AGBL1: variants seen among roughly 807,000 people sequenced by gnomAD.
AGBL1 encodes the protein cytosolic carboxypeptidase 4.
Under a neutral mutation model 118.9 loss-of-function variants are expected in AGBL1, and 130 were observed. That is an observed-to-expected ratio of 1.09 (90% CI 0.95 to 1.26). The LOEUF (loss-of-function observed/expected upper bound fraction) is 1.26, where lower values mean the gene tolerates loss of function less well. AGBL1 is among the 50% of genes most tolerant of loss of function. AGBL1 has a pLI of 0.00. For missense variants in AGBL1, 1,584 were observed against 1,298.1 expected (o/e 1.22, Z -3.38); for synonymous variants, 555 against 478.9 (o/e 1.16, Z -2.08).
chr15:86,427,251 A>G (rs922512130), intron 18 of AGBL1, among the ~76,000 whole-genome samples: 1 of 152,240 alleles, frequency 6.6e-6, no homozygotes, highest in Non-Finnish European at 1.5e-5. Flanking sequence ...TAAAAGTTTC[A>G]TTTTATAAGG....
At chr15:86,821,912 T>C (rs1253321281) in intron 22 of AGBL1, among the ~76,000 whole-genome samples, 1 of 152,160 alleles carries the variant, frequency 6.6e-6, no homozygotes, top group African/African-American at 2.4e-5. Context: ...ATTTAACCAA[T>C]ATCGCATGGG....
chr15:86,398,834 A>G (rs113825146), intron 18 of AGBL1, among the ~76,000 whole-genome samples: 1 of 152,264 alleles, frequency 6.6e-6, no homozygotes, highest in Non-Finnish European at 1.5e-5. Context: ...CCAAATGATG[A>G]AATATGTTAA....
chr15:86,257,463 C>A (rs1024317206), intron 8 of AGBL1, among the ~76,000 whole-genome samples: 1 of 152,186 alleles, frequency 6.6e-6, no homozygotes, highest in Non-Finnish European at 1.5e-5. Flanking sequence ...CTGGGAAGAT[C>A]TTCCTGTCAA....
chr15:86,618,552 ATT>A (rs1415822140), intron 21 of AGBL1, among the ~76,000 whole-genome samples: 3 of 152,224 alleles, frequency 2.0e-5, no homozygotes, highest in Non-Finnish European at 4.4e-5. Context: ...GGGAATCTGC[ATT>A]TAATTAGCTT....
At chr15:86,118,766 G>T (rs1897919386) in intron 1 of AGBL1, among the ~76,000 whole-genome samples, 1 of 151,814 alleles carries the variant, frequency 6.6e-6, no homozygotes, top group African/African-American at 2.4e-5. Context: ...TTTTTGGGTG[G>T]GGTGGGGTGG....
chr15:86,237,377 C>T (rs2078569329), intron 6 of AGBL1, among the ~76,000 whole-genome samples: 1 of 151,982 alleles, frequency 6.6e-6, no homozygotes, highest in Admixed American at 6.5e-5. Flanking sequence ...TTCCTGCTGT[C>T]TATGTTGGTT....
chr15:86,258,892 A>G (rs1198066406), intron 9 of AGBL1, among the ~76,000 whole-genome samples: 1 of 152,140 alleles, frequency 6.6e-6, no homozygotes, highest in African/African-American at 2.4e-5. Context: ...TTTTTAGTAG[A>G]AACAGGATTT....
At chr15:86,623,113 C>T (rs1464525982) in intron 21 of AGBL1, among the ~76,000 whole-genome samples, 1 of 152,222 alleles carries the variant, frequency 6.6e-6, no homozygotes, top group African/African-American at 2.4e-5. Context: ...AAGCTTCACT[C>T]TCTCACCCTC....
At chr15:87,019,076 C>A (rs1163969622) in intron 24 of AGBL1, among the ~76,000 whole-genome samples, 1 of 152,010 alleles carries the variant, frequency 6.6e-6, no homozygotes, top group Non-Finnish European at 1.5e-5. Flanking sequence ...ACTAGCTATC[C>A]TAAATATATA....
rs375395906 is a variant in AGBL1, at chr15:86,542,557, A to G, written c.2686-3445A>G. On this transcript the variant is annotated intron_variant, in intron 19 of 22. Coordinates refer to ENST00000614907, the MANE Select transcript of AGBL1 (RefSeq NM_001386094.1). ...AATTTTTTGTATTTTTAGTAGAGACAGGGTTTCACCATGTTGGCCAGGCTG... is the reference window on the plus strand; with the variant it reads ...AATTTTTTGTATTTTTAGTAGAGACGGGGTTTCACCATGTTGGCCAGGCTG... Among the ~76,000 whole-genome samples, 279 of 151,952 alleles carry G rather than the reference A, an allele frequency of 1.8e-3. 1 individual carries two copies. The highest frequency in any genetic ancestry group is 6.5e-3 in the African/African-American group (269 of 41,464).
At chr15:86,520,488 C>A (rs1460015951) in intron 18 of AGBL1, among the ~76,000 whole-genome samples, 1 of 151,854 alleles carries the variant, frequency 6.6e-6, no homozygotes, top group East Asian at 1.9e-4. Flanking sequence ...TTTTTTTATT[C>A]TTGGAAATTG....
intron 22 of AGBL1, among the ~76,000 whole-genome samples, chr15:86,756,038 G>T (rs966673142): frequency 6.6e-6 from 1 of 152,074 alleles, no homozygotes; most frequent in Non-Finnish European, 1.5e-5. Flanking sequence ...CTCTTCTTTT[G>T]GTTCTCAGTT....
intron 17 of AGBL1, among the ~76,000 whole-genome samples, chr15:86,318,568 G>A (rs375821622): frequency 6.6e-6 from 1 of 151,924 alleles, no homozygotes; most frequent in East Asian, 1.9e-4. Context: ...ACTAGAGCCA[G>A]ATGTGTAGTC....
At chr15:86,765,554 AAC>A (rs1310850313) in intron 22 of AGBL1, among the ~76,000 whole-genome samples, 2 of 151,990 alleles carry the variant, frequency 1.3e-5, no homozygotes, top group Non-Finnish European at 2.9e-5. Flanking sequence ...ACAGATGGGG[AAC>A]ACATTCCACA....
Position 86,390,660 on chromosome 15 carries a change from A to ATTTTTTTTTTTTTTTT in AGBL1, c.2375-6695_2375-6680dup, listed in dbSNP as rs756052402. ...AGGCAGAAAAGTTATATACTGTATG[A>ATTTTTTTTTTTTTTTT]TTTTTTTTTTTTTTTTTTTTTTTTT... On this transcript the variant is annotated intron_variant, in intron 17 of 22. Coordinates refer to ENST00000614907, the MANE Select transcript of AGBL1 (RefSeq NM_001386094.1). Among the ~76,000 whole-genome samples, 32 of 75,470 alleles carry ATTTTTTTTTTTTTTTT rather than the reference A, an allele frequency of 4.2e-4. 3 individuals are homozygous for ATTTTTTTTTTTTTTTT. In the East Asian group the frequency reaches 4.9e-3, roughly 12 times the overall value. The allele number at this position is 75,470 out of a possible 152,430, so 49.5% of individuals were successfully genotyped here.
chr15:86,357,469 C>T (rs2080739356), intron 17 of AGBL1, among the ~76,000 whole-genome samples: 11 of 152,086 alleles, frequency 7.2e-5, no homozygotes, highest in Admixed American at 7.2e-4. Flanking sequence ...ATGACTCCAC[C>T]TGAACTTCTT....
chr15:86,991,474 T>C (rs1177915584), intron 24 of AGBL1, among the ~76,000 whole-genome samples: 1 of 151,478 alleles, frequency 6.6e-6, no homozygotes, highest in East Asian at 1.9e-4. Context: ...TTATTTTTGG[T>C]TTGCAAAATG....
chr15:86,671,621 C>G (rs2142542672), intron 21 of AGBL1, among the ~76,000 whole-genome samples: 1 of 152,208 alleles, frequency 6.6e-6, no homozygotes, highest in Admixed American at 6.5e-5. Flanking sequence ...CAGTTTATAT[C>G]CAGAGATATG....
At chr15:86,403,777 A>G (rs2081482548) in intron 18 of AGBL1, among the ~76,000 whole-genome samples, 1 of 152,192 alleles carries the variant, frequency 6.6e-6, no homozygotes. Flanking sequence ...ACTCAAGTCT[A>G]TCCCACATTA....
Sources: allele counts gnomAD v4.1 joint callset (sites outside exome capture counted in the v4.1 genomes callset), GRCh38; gene constraint gnomAD v4.1.1; transcripts MANE v1.5; gene names NCBI Gene and HGNC (gene_info 2026-07-23, HGNC 2026-07-21).